Variants in SYCP1 observed in about 807,000 individuals in gnomAD.
SYCP1 encodes the protein cancer/testis antigen 8.
SYCP1 carries 64 observed loss-of-function variants against 153.1 expected under a neutral mutation model. That is an observed-to-expected ratio of 0.42 (90% CI 0.34 to 0.51). The LOEUF is 0.51. Among genes scored for constraint, SYCP1 ranks in the 20% least tolerant of loss-of-function variants. SYCP1 has a pLI of 0.06. For missense variants in SYCP1, 997 were observed against 1,049.0 expected (o/e 0.95, Z 0.68); for synonymous variants, 384 against 341.8 (o/e 1.12, Z -1.36).
Position 114,878,146 on chromosome 1 carries a change from T to A in SYCP1, c.854T>A (p.Leu285Ter), listed in dbSNP as rs1411231972. ...ITEKENKMKD[L>*]TFLLEESRDK... ...GAGAAAGAAAATAAAATGAAAGATT[T>A]AACATTTCTGCTAGAGGAATCCAGA... is the stretch of plus-strand genomic sequence containing the variant. Residue 285 changes from leucine (L) to a stop codon, truncating the protein, a stop_gained, in exon 12 of 32, where the codon TTA becomes TAA. Transcript: ENST00000369522. LOFTEE classifies it high-confidence loss of function. The A allele has an allele frequency of 6.3e-7, 1 of 1,589,420 alleles. No homozygotes were observed. The highest frequency in any genetic ancestry group is 8.6e-7 in the Non-Finnish European group (1 of 1,161,468).
intron 12 of SYCP1, among the ~76,000 whole-genome samples, chr1:114,881,496 GT>G (rs1461257096): frequency 1.2e-5 from 1 of 84,624 alleles, no homozygotes; most frequent in Admixed American, 1.2e-4. Context: ...CACATGGAAG[GT>G]ATTATCCTTC....
intron 27 of SYCP1, among the ~76,000 whole-genome samples, chr1:114,950,488 A>T (rs1452115779): frequency 6.6e-6 from 1 of 152,088 alleles, no homozygotes; most frequent in Non-Finnish European, 1.5e-5. Flanking sequence ...AAAGGGTAAA[A>T]ATAGCCTACA....
At chr1:114,984,904 A>C in intron 30 of SYCP1, 36 bp downstream of exon 30, 2 of 1,058,624 alleles carry the variant, frequency 1.9e-6, no homozygotes, top group Non-Finnish European at 2.5e-6. Flanking sequence ...GTATTTATTT[A>C]TATTACTTAT....
At chr1:114,962,048 G>T (rs73004484) in intron 27 of SYCP1, among the ~76,000 whole-genome samples, 3,934 of 150,384 alleles carry the variant, frequency 0.026, 204 homozygotes, top group African/African-American at 0.093. Flanking sequence ...CACAATTTCG[G>T]CTCACTAAAA....
intron 6 of SYCP1, among the ~76,000 whole-genome samples, chr1:114,859,170 C>G (rs1333992091): frequency 2.6e-5 from 4 of 152,288 alleles, no homozygotes; most frequent in East Asian, 3.9e-4. Flanking sequence ...TCACTGCAAC[C>G]TTCGCCTCCC....
chr1:114,913,266 T>A, intron 19 of SYCP1, 116 bp downstream of exon 19: 5 of 788,366 alleles, frequency 6.3e-6, no homozygotes, highest in Non-Finnish European at 1.0e-5. Flanking sequence ...AGCTAAAACT[T>A]TGTTTTAGCA....
chr1:114,947,440 AT>A (rs1670783416), intron 27 of SYCP1, 120 bp downstream of exon 27: 5 of 684,244 alleles, frequency 7.3e-6, no homozygotes, highest in Non-Finnish European at 1.2e-5. Context: ...TGAGAAAATA[AT>A]TTTCCCCCAG....
intron 12 of SYCP1, among the ~76,000 whole-genome samples, chr1:114,881,237 C>T (rs1665905205): frequency 6.6e-6 from 1 of 151,876 alleles, no homozygotes; most frequent in South Asian, 2.1e-4. Flanking sequence ...TTTCGTTTTA[C>T]CCATGTATTT....
intron 27 of SYCP1, among the ~76,000 whole-genome samples, chr1:114,973,754 T>C (rs1034923547): frequency 1.1e-4 from 16 of 151,976 alleles, no homozygotes; most frequent in African/African-American, 3.9e-4. Context: ...GAAGATTTTG[T>C]AAGCTGGCTT....
chr1:114,893,075 T>C (rs1356056073), intron 15 of SYCP1, among the ~76,000 whole-genome samples: 1 of 152,230 alleles, frequency 6.6e-6, no homozygotes, highest in Non-Finnish European at 1.5e-5. Context: ...AATTCCAGTG[T>C]TCTTTCTTAG....
At chr1:114,905,486 C>T (rs1473361894) in intron 16 of SYCP1, among the ~76,000 whole-genome samples, 1 of 152,126 alleles carries the variant, frequency 6.6e-6, no homozygotes, top group African/African-American at 2.4e-5. Context: ...ACGGGAAGTA[C>T]CTTCTTGTAC....
At chr1:114,990,201 T>C (rs1388050539) in intron 30 of SYCP1, among the ~76,000 whole-genome samples, 1 of 151,862 alleles carries the variant, frequency 6.6e-6, no homozygotes, top group African/African-American at 2.4e-5. Context: ...AACTGGAATA[T>C]TTACAAATTT....
intron 16 of SYCP1, among the ~76,000 whole-genome samples, chr1:114,900,062 T>C (rs1667321846): frequency 6.6e-6 from 1 of 152,220 alleles, no homozygotes; most frequent in Non-Finnish European, 1.5e-5. Flanking sequence ...AGCAGATTAG[T>C]GCCTTATGAA....
intron 27 of SYCP1, among the ~76,000 whole-genome samples, chr1:114,948,904 A>T (rs1309780698): frequency 6.6e-6 from 1 of 152,224 alleles, no homozygotes; most frequent in Non-Finnish European, 1.5e-5. Flanking sequence ...TACTCTAGTC[A>T]GTAAACATAA....
At chr1:114,913,594 T>C (rs1361330145) in intron 19 of SYCP1, among the ~76,000 whole-genome samples, 1 of 152,080 alleles carries the variant, frequency 6.6e-6, no homozygotes, top group South Asian at 2.1e-4. Context: ...GCAGGATCAC[T>C]TCTGCTTTGG....
chr1:114,884,284 G>A (rs1049342470), intron 12 of SYCP1, among the ~76,000 whole-genome samples: 2 of 152,122 alleles, frequency 1.3e-5, no homozygotes, highest in South Asian at 4.1e-4. Context: ...ATGCCAGAAC[G>A]TGTCATTCTA....
intron 15 of SYCP1, 150 bp downstream of exon 15, chr1:114,887,843 A>G (rs1156236642): frequency 2.0e-6 from 1 of 508,920 alleles, no homozygotes; most frequent in Non-Finnish European, 3.3e-6. Flanking sequence ...TTGAAGGTAG[A>G]AAATTTAAAC....
chr1:114,926,546 A>G lies in SYCP1; in HGVS notation c.1909A>G (p.Asn637Asp), dbSNP rs757535195. ...KKGTAESKQL[N>D]VYEIKVNKLE... ...AGGTACAGCAGAAAGCAAGCAACTG[A>G]ATGTTTATGAGATAAAGGTATTTGG... The change falls in exon 23 of 32, where the codon AAT (asparagine) becomes GAT (aspartate). Residue 637 changes from asparagine (N) to aspartate (D), a missense_variant. Around this residue, in one of 2 missense-constraint regions of SYCP1, gnomAD observed 712 missense variants for 682.9 expected, o/e 1.04. Transcript: ENST00000369522. 9.4e-6 allele frequency: 15 copies of G among 1,598,738 alleles called. No homozygotes were observed. Among genetic ancestry groups the G allele is most frequent in the Non-Finnish European group, 1.3e-5 (15 of 1,172,786 alleles).
intron 23 of SYCP1, among the ~76,000 whole-genome samples, chr1:114,932,284 C>G (rs1669683104): frequency 6.6e-6 from 1 of 152,120 alleles, no homozygotes; most frequent in African/African-American, 2.4e-5. Flanking sequence ...AAAAAGAAAA[C>G]ACTGACTAAA....
Sources: allele counts gnomAD v4.1 joint callset (sites outside exome capture counted in the v4.1 genomes callset), GRCh38; gene constraint gnomAD v4.1.1; regional missense constraint gnomAD v4.1.1; transcripts MANE v1.5; gene names NCBI Gene and HGNC (gene_info 2026-07-23, HGNC 2026-07-21).